Variants in MAP6 observed in about 807,000 individuals in gnomAD.
MAP6 encodes the protein microtubule-associated protein 6.
MAP6 carries 26 observed loss-of-function variants against 42.4 expected under a neutral mutation model. The ratio of observed to expected loss-of-function variants is 0.61; its 90% confidence interval spans 0.45 to 0.85. The LOEUF (loss-of-function observed/expected upper bound fraction) is 0.85. MAP6 is among the 40% of genes least tolerant of loss of function. The pLI is 0.00. For synonymous variants in MAP6, 418 were observed against 443.8 expected (o/e 0.94, Z 0.73); for missense variants, 966 against 1,099.0 (o/e 0.88, Z 1.71).
At chr11:75,616,875 G>A (rs918375755) in intron 1 of MAP6, among the ~76,000 whole-genome samples, 1 of 152,138 alleles carries the variant, frequency 6.6e-6, no homozygotes, top group South Asian at 2.1e-4. Flanking sequence ...TGTATACCAC[G>A]GATGATGATT....
At chr11:75,653,168 C>T (rs12577202) in intron 1 of MAP6, among the ~76,000 whole-genome samples, 7,808 of 152,222 alleles carry the variant, frequency 0.051, 250 homozygotes, top group East Asian at 0.14. Context: ...ATTCACTCGC[C>T]GAGAGTCATT....
intron 1 of MAP6, among the ~76,000 whole-genome samples, chr11:75,617,288 C>T (rs1041327885): frequency 9.9e-5 from 15 of 152,042 alleles, no homozygotes; most frequent in South Asian, 2.1e-4. Flanking sequence ...AGGCCAAGGC[C>T]GGCAGATCTC....
chr11:75,645,683 C>A, intron 1 of MAP6, among the ~76,000 whole-genome samples: 1 of 151,518 alleles, frequency 6.6e-6, no homozygotes, highest in African/African-American at 2.4e-5. Context: ...AAGACTTAAA[C>A]AAAAAAGAAA....
In MAP6 at chr11:75,588,048, G is replaced by C; in HGVS notation, c.1453C>G (p.Gln485Glu). Reference protein sequence around the residue: ...GPMVQEPLKKQGSVVPGPPKD... With the variant: ...GPMVQEPLKKEGSVVPGPPKD... ...GGAGGCCCTGGGACCACAGAACCTT[G>C]CTTCTTCAGAGGCTCTTGCACCATA... The change falls in exon 4 of 4, where the codon CAA becomes GAA. Residue 485 changes from glutamine (Q) to glutamate (E), a missense_variant. Transcript: ENST00000304771. 4 of 1,614,094 alleles carry C rather than the reference G, an allele frequency of 2.5e-6. No homozygotes were observed. Among genetic ancestry groups the C allele is most frequent in the Non-Finnish European group, 3.4e-6 (4 of 1,180,038 alleles).
chr11:75,643,743 C>A (rs1047399501), intron 1 of MAP6, among the ~76,000 whole-genome samples: 4 of 152,210 alleles, frequency 2.6e-5, no homozygotes, highest in Non-Finnish European at 4.4e-5. Context: ...CACATTAACT[C>A]ATTTAATCCC....
At chr11:75,597,019 A>G (rs1388774041) in intron 3 of MAP6, among the ~76,000 whole-genome samples, 1 of 152,208 alleles carries the variant, frequency 6.6e-6, no homozygotes, top group African/African-American at 2.4e-5. Flanking sequence ...CTGGCTCACC[A>G]CTTACAAGTT....
intron 1 of MAP6, among the ~76,000 whole-genome samples, chr11:75,659,728 C>T (rs764312196): frequency 6.6e-6 from 1 of 152,190 alleles, no homozygotes; most frequent in Non-Finnish European, 1.5e-5. Context: ...ACAGTTGACA[C>T]AATTCATAAA....
At chr11:75,588,951 G>T (rs923668534) in intron 3 of MAP6, among the ~76,000 whole-genome samples, 3 of 152,102 alleles carry the variant, frequency 2.0e-5, no homozygotes, top group Admixed American at 2.0e-4. Flanking sequence ...CTGAATAGCT[G>T]GACTACAGGC....
At chr11:75,613,937 A>G (rs899555523) in intron 1 of MAP6, among the ~76,000 whole-genome samples, 4 of 152,184 alleles carry the variant, frequency 2.6e-5, no homozygotes, top group East Asian at 1.9e-4. Context: ...TTGAACAGCC[A>G]TATAGTCACA....
At chr11:75,657,273 G>C (rs1288300238) in intron 1 of MAP6, among the ~76,000 whole-genome samples, 3 of 152,086 alleles carry the variant, frequency 2.0e-5, no homozygotes, top group Non-Finnish European at 2.9e-5. Flanking sequence ...ACCACGCCCA[G>C]CTAATTTTTT....
At position 75,667,723 on chromosome 11, in the gene MAP6, T is replaced by G; in HGVS notation, c.647A>C (p.Glu216Ala). Residue 216 changes from glutamate (E) to alanine (A), a missense_variant, in exon 1 of 4, where the codon GAG becomes GCG. Physicochemically the swap from Glu to Ala is moderately radical, Grantham distance 107 (BLOSUM62 -1). Coordinates refer to ENST00000304771, the MANE Select transcript of MAP6 (RefSeq NM_033063.2). The surrounding 1 kb of genome is among the most constrained non-coding windows in gnomAD (Gnocchi z 5.6). ...GCCACCCGCTCCGCCGGGGGCCGCC[T>G]CCTGCTCCCGGGCCTCAGCGGCGGC... ...VQAAAEAREQ[E>A]AAPGGAGGLA... is the part of the protein sequence containing the mutation. 1 of 1,292,878 alleles carries G rather than the reference T, an allele frequency of 7.7e-7. No homozygotes were observed. 80.1% of individuals were successfully genotyped at this position (1,292,878 alleles called of 1,614,324 possible).
chr11:75,611,109 G>A (rs932626643), intron 1 of MAP6, among the ~76,000 whole-genome samples: 8 of 152,332 alleles, frequency 5.3e-5, no homozygotes, highest in South Asian at 2.1e-4. Flanking sequence ...TGTGGCCACC[G>A]TTACCTGCCA....
At chr11:75,632,794 A>C (rs1045722520) in intron 1 of MAP6, among the ~76,000 whole-genome samples, 1 of 152,154 alleles carries the variant, frequency 6.6e-6, no homozygotes, top group African/African-American at 2.4e-5. Flanking sequence ...AATTCATAGA[A>C]CCCTAGAATT....
intron 3 of MAP6, among the ~76,000 whole-genome samples, chr11:75,595,459 C>T (rs766914171): frequency 3.3e-5 from 5 of 152,214 alleles, no homozygotes; most frequent in African/African-American, 4.8e-5. Context: ...CAATGTGTCT[C>T]AGTTGGCTCT....
At chr11:75,666,586 T>C (rs1410315391) in intron 1 of MAP6, among the ~76,000 whole-genome samples, 2 of 152,124 alleles carry the variant, frequency 1.3e-5, no homozygotes, top group Non-Finnish European at 2.9e-5. Flanking sequence ...ATGTGGAAGG[T>C]AGGAATGGAA....
chr11:75,650,615 G>A (rs1268619227), intron 1 of MAP6, among the ~76,000 whole-genome samples: 1 of 152,080 alleles, frequency 6.6e-6, no homozygotes, highest in African/African-American at 2.4e-5. Context: ...TCACCTCTGA[G>A]TATTAATATT....
At chr11:75,656,470 T>C (rs1455340173) in intron 1 of MAP6, among the ~76,000 whole-genome samples, 2 of 152,194 alleles carry the variant, frequency 1.3e-5, no homozygotes, top group Admixed American at 1.3e-4. Context: ...CTGTGTGTAA[T>C]GTACAAGGCC....
In MAP6 at chr11:75,668,114, C is replaced by G. The variant is rs764054785; in HGVS notation, c.256G>C (p.Ala86Pro). Residue 86 changes from alanine to proline, a missense_variant, in exon 1 of 4, where the codon GCG (alanine) becomes CCG (proline). Physicochemically the swap from Ala to Pro is conservative, Grantham distance 27. Coordinates refer to ENST00000304771, the MANE Select transcript of MAP6 (RefSeq NM_033063.2). ...LDAVARATGP[A>P]PGPTGEREPA... Reference sequence around the variant, plus strand: ...TCGCGCTCGCCGGTAGGCCCAGGCGCTGGCCCCGTTGCCCGGGCAACTGCA... The same window carrying G: ...TCGCGCTCGCCGGTAGGCCCAGGCGGTGGCCCCGTTGCCCGGGCAACTGCA... The G allele has an allele frequency of 1.6e-5, 20 of 1,221,140 alleles. No individual in the cohort carries two copies. The South Asian group carries it at 6.4e-4, about 39-fold the overall frequency. The allele number at this position is 1,221,140 out of a possible 1,614,324, so 75.6% of individuals were successfully genotyped here.
At position 75,668,350 on chromosome 11, in the gene MAP6, G is replaced by A; in HGVS notation, c.20C>T (p.Thr7Met). Reference protein sequence around the residue: MAWPCITRACCIARFWN... With the variant: MAWPCIMRACCIARFWN... ...GAAGCGGGCGATGCAGCAGGCCCTC[G>A]TGATGCACGGCCACGCCATGATGCT... Residue 7 changes from threonine (T) to methionine (M), a missense_variant, in exon 1 of 4, where the codon ACG becomes ATG. This residue lies in a region of MAP6 where 23 missense variants were observed against 49.1 expected (regional missense o/e 0.47). Transcript: ENST00000304771. The A allele has an allele frequency of 1.3e-6, 2 of 1,574,568 alleles. No individual in the cohort carries two copies. Among genetic ancestry groups the A allele is most frequent in the Non-Finnish European group, 1.7e-6 (2 of 1,167,782 alleles).
Sources: allele counts gnomAD v4.1 joint callset (sites outside exome capture counted in the v4.1 genomes callset), GRCh38; gene constraint gnomAD v4.1.1; regional missense constraint gnomAD v4.1.1; non-coding constraint Gnocchi (gnomAD v3.1); transcripts MANE v1.5; gene names NCBI Gene and HGNC (gene_info 2026-07-23, HGNC 2026-07-21).